Variants in ALLC observed in about 807,000 individuals in gnomAD.
The protein encoded by ALLC is probable inactive allantoicase.
Under a neutral mutation model 45.0 loss-of-function variants are expected in ALLC, and 40 were observed. The ratio of observed to expected loss-of-function variants is 0.89; its 90% CI spans 0.69 to 1.16. The LOEUF (loss-of-function observed/expected upper bound fraction) is 1.16, where lower values mean the gene tolerates loss of function less well. Ranked by LOEUF, ALLC falls within the 50% of genes most tolerant of loss-of-function variation. ALLC has a pLI of 0.00. For missense variants in ALLC, 488 were observed against 493.1 expected (o/e 0.99, Z 0.10); for synonymous variants, 176 against 178.1 (o/e 0.99, Z 0.09).
At position 3,674,057 on chromosome 2, in the gene ALLC, C is replaced by G; in HGVS notation, c.34-18C>G. ...ATTTATGGTTGCTTTATCTTTCTTTCTTTCTTTCTTTGTCTAGATTTTATT... is the reference window on the plus strand; with the variant it reads ...ATTTATGGTTGCTTTATCTTTCTTTGTTTCTTTCTTTGTCTAGATTTTATT... On this transcript the variant is annotated intron_variant, in intron 2 of 11. Transcript: ENST00000252505. 2 of 1,523,494 alleles carry G rather than the reference C, an allele frequency of 1.3e-6. No homozygotes were observed. Among genetic ancestry groups the G allele is most frequent in the Non-Finnish European group, 8.9e-7 (1 of 1,123,140 alleles). 94.4% of individuals were successfully genotyped at this position (1,523,494 alleles called of 1,614,324 possible).
chr2:3,661,764 T>G (rs557057539), intron 1 of ALLC, among the ~76,000 whole-genome samples: 1 of 152,318 alleles, frequency 6.6e-6, no homozygotes, highest in South Asian at 2.1e-4. Context: ...TATTATAGTT[T>G]CATGTTGCTG....
chr2:3,685,624 T>C (rs1667319125), intron 7 of ALLC, among the ~76,000 whole-genome samples: 1 of 150,722 alleles, frequency 6.6e-6, no homozygotes, highest in Admixed American at 6.6e-5. Flanking sequence ...GGATTACAAT[T>C]AGAGATGAGG....
chr2:3,689,479 G>A (rs1314012146), intron 7 of ALLC, among the ~76,000 whole-genome samples: 2 of 150,984 alleles, frequency 1.3e-5, no homozygotes, highest in African/African-American at 4.8e-5. Flanking sequence ...TTGTTCAGGA[G>A]CATGTTGTTT....
rs1420660304 is a variant in ALLC, at chr2:3,658,889, A to C, written c.-63+595A>C. Among the ~76,000 whole-genome samples the C allele has an allele frequency of 2.6e-5, 4 of 151,932 alleles. No individual in the cohort carries two copies. The East Asian group carries it at 5.8e-4, about 22-fold the overall frequency. On this transcript the variant is annotated intron_variant, in intron 1 of 11. Transcript: ENST00000252505. The stretch of plus-strand genomic sequence containing the variant: ...GAGACCCTGTCTCAAAAAAAAAAAA[A>C]AAAAAACCTAAACAACTAAGGCCAT...
intron 2 of ALLC, among the ~76,000 whole-genome samples, chr2:3,671,787 G>C (rs2147998673): frequency 6.9e-6 from 1 of 145,494 alleles, no homozygotes; most frequent in South Asian, 2.2e-4. Flanking sequence ...GGTTAGATGG[G>C]AGGTCCTCTG....
intron 7 of ALLC, among the ~76,000 whole-genome samples, chr2:3,685,843 A>T (rs1667323996): frequency 6.6e-6 from 1 of 150,740 alleles, no homozygotes; most frequent in Non-Finnish European, 1.5e-5. Flanking sequence ...TTTGCTACTG[A>T]GTTGTTAGCT....
intron 3 of ALLC, 76 bp from the exon 4 acceptor site, chr2:3,678,392 G>C (rs575920105): frequency 7.8e-7 from 1 of 1,279,186 alleles, no homozygotes; most frequent in African/African-American, 1.5e-5. Context: ...TGGCACTGTG[G>C]GACAGAAGTG....
chr2:3,646,069 A>T, the ALLC span, among the ~76,000 whole-genome samples: 8,639 of 152,182 alleles, frequency 0.057, 291 homozygotes, highest in Admixed American at 0.098. Flanking sequence ...AGCCTTGGAA[A>T]ATAGAGTGTC....
At chr2:3,653,718 TC>T (rs1300671713), upstream of ALLC, among the ~76,000 whole-genome samples, 1 of 151,938 alleles carries the variant, frequency 6.6e-6, no homozygotes, top group Non-Finnish European at 1.5e-5. The surrounding 1 kb of genome is among the most constrained non-coding windows in gnomAD (Gnocchi z 4.1). Context: ...TCACCTCGTT[TC>T]CCTCATCCCG....
chr2:3,647,174 T>C, the ALLC span, among the ~76,000 whole-genome samples: 2 of 152,068 alleles, frequency 1.3e-5, no homozygotes, highest in African/African-American at 2.4e-5. Flanking sequence ...ACAGGGACCA[T>C]GTGAATGTAA....
chr2:3,686,747 CT>C (rs1270879586), intron 7 of ALLC, among the ~76,000 whole-genome samples: 1 of 150,966 alleles, frequency 6.6e-6, no homozygotes, highest in African/African-American at 2.4e-5. Flanking sequence ...AGATTATTCA[CT>C]GTTGGTGTGT....
rs1440138761 is a variant in ALLC at position 3,680,853 on chromosome 2, A to G, written c.299-781A>G. On this transcript the variant is annotated intron_variant, in intron 5 of 11. Coordinates refer to ENST00000252505, the MANE Select transcript of ALLC (RefSeq NM_018436.4). This position sits in a 1 kb window ranked among gnomAD's most constrained non-coding sequence, Gnocchi z 4.0. Reference sequence around the variant, plus strand: ...GACAGTAAATCAAGTTGGAAGCAGGACGTGTTCACAGGATTGAGGCTAATC... The same window carrying G: ...GACAGTAAATCAAGTTGGAAGCAGGGCGTGTTCACAGGATTGAGGCTAATC... Among the ~76,000 whole-genome samples the G allele has an allele frequency of 6.6e-6, 1 of 152,198 alleles. No homozygotes were observed. The highest frequency in any genetic ancestry group is 1.5e-5 in the Non-Finnish European group (1 of 68,032).
At chr2:3,695,269 A>T (rs765206298) in intron 7 of ALLC, 16 of 189,188 alleles carry the variant, frequency 8.5e-5, no homozygotes, top group Non-Finnish European at 1.3e-4. Flanking sequence ...AACACAGGTA[A>T]GTGGTCTGGC....
chr2:3,701,192 C>A (rs1363074898), intron 10 of ALLC, among the ~76,000 whole-genome samples: 2 of 152,170 alleles, frequency 1.3e-5, no homozygotes, highest in Non-Finnish European at 2.9e-5. Context: ...ATTAAATCTG[C>A]AATTGAGGAA....
rs142208237 is a variant in ALLC at position 3,680,220 on chromosome 2, T to A, written c.298+226T>A. 1.3e-3 allele frequency among the ~76,000 whole-genome samples: 195 copies of A among 152,326 alleles called. 1 individual carries two copies. Among genetic ancestry groups the A allele is most frequent in the African/African-American group, 4.4e-3 (184 of 41,580 alleles). On this transcript the variant is annotated intron_variant, in intron 5 of 11. Coordinates refer to ENST00000252505, the MANE Select transcript of ALLC (RefSeq NM_018436.4). The surrounding 1 kb of genome is among the most constrained non-coding windows in gnomAD (Gnocchi z 4.0). ...TGTTAACAGCCAGATATAGATTTTA[T>A]CATTCCCACGGTCCTTCAGCTTCAC...
rs559827330 is a variant in ALLC at position 3,687,664 on chromosome 2, T to G, written c.511+4590T>G. 2.0e-5 allele frequency among the ~76,000 whole-genome samples: 3 copies of G among 151,168 alleles called. No homozygotes were observed. In the East Asian group the frequency reaches 5.9e-4, roughly 30 times the overall value. The stretch of plus-strand genomic sequence containing the variant: ...TTTCTATTTCTTCATGGTTCAATCT[T>G]GGTAGATTGTATGTGTCCAGAAATG... On this transcript the variant is annotated intron_variant, in intron 7 of 11. Coordinates refer to ENST00000252505, the MANE Select transcript of ALLC (RefSeq NM_018436.4).
the ALLC span, among the ~76,000 whole-genome samples, chr2:3,651,311 GGT>G: frequency 4.0e-3 from 18 of 4,490 alleles, 1 homozygote; most frequent in South Asian, 0.015. Context: ...TGGGTGGGTG[GGT>G]GGGGGGGGTG....
chr2:3,691,474 G>A (rs1411328200), intron 7 of ALLC, among the ~76,000 whole-genome samples: 3 of 151,952 alleles, frequency 2.0e-5, no homozygotes, highest in Admixed American at 2.0e-4. Context: ...TGTTGCCCAG[G>A]CTGGTCTCAA....
In ALLC at chr2:3,702,139, G is replaced by A. The variant is rs139060585; in HGVS notation, c.976-224G>A. 5.9e-3 allele frequency among the ~76,000 whole-genome samples: 905 copies of A among 152,140 alleles called. 8 individuals are homozygous for A. The highest frequency in any genetic ancestry group is 0.02 in the African/African-American group (848 of 41,492). ...ATTAGAAACAACTGATGGGCATTTA[G>A]GTTGCCCATCAATTGTTTATTGGGG... On this transcript the variant is annotated intron_variant, in intron 11 of 11. Coordinates refer to ENST00000252505, the MANE Select transcript of ALLC (RefSeq NM_018436.4).
Sources: gnomAD v4.1 joint callset for allele counts (sites outside exome capture counted in the v4.1 genomes callset) on GRCh38, gnomAD v4.1.1 for gene constraint, Gnocchi (gnomAD v3.1) non-coding constraint, MANE v1.5 for transcripts, NCBI Gene and HGNC (gene_info 2026-07-23, HGNC 2026-07-21) for gene names.